ECD: variants seen among roughly 807,000 people sequenced by gnomAD.
ECD encodes the protein protein ecdysoneless homolog.
Under a neutral mutation model 77.2 loss-of-function variants are expected in ECD, and 59 were observed. The observed-to-expected ratio is 0.76, with a 90% CI of 0.62 to 0.95. ECD has a LOEUF of 0.95. Ranked by LOEUF, ECD falls within the 40% of genes least tolerant of loss-of-function variation. ECD has a pLI of 0.00. For missense variants in ECD, 704 were observed against 763.4 expected (o/e 0.92, Z 0.92); for synonymous variants, 233 against 267.4 (o/e 0.87, Z 1.26).
rs1044656324 is a variant in ECD, at chr10:73,156,427, A to T, written c.438T>A (p.Cys146Ter). The T allele has an allele frequency of 2.5e-6, 4 of 1,610,484 alleles. No individual in the cohort carries two copies. The highest frequency in any genetic ancestry group is 3.4e-6 in the Non-Finnish European group (4 of 1,178,940). The change falls in exon 5 of 14, where the codon TGT (cysteine) becomes TGA (stop). Residue 146 changes from cysteine to a stop codon, truncating the protein, a stop_gained. Transcript: ENST00000372979. LOFTEE classifies it high-confidence loss of function. ...NRVFFCHGELCIIPAPRKSGA... is the reference protein window; with the variant it reads ...NRVFFCHGEL ...CAGATTTTCTTGGTGCAGGGATAAT[A>T]CACAATTCCCCATGGCAGAAAAATA...
At chr10:73,141,219 G>A (rs1438316888) in intron 9 of ECD, among the ~76,000 whole-genome samples, 2 of 151,176 alleles carry the variant, frequency 1.3e-5, no homozygotes, top group East Asian at 2.0e-4. Context: ...GCGAGACTCC[G>A]TTGGCCGGGT....
intron 3 of ECD, among the ~76,000 whole-genome samples, chr10:73,159,510 A>G (rs1270157654): frequency 2.0e-5 from 3 of 152,126 alleles, no homozygotes; most frequent in African/African-American, 7.2e-5. Context: ...AGCAGTAGAA[A>G]CCTTTGTATC....
In ECD at chr10:73,145,895, G is replaced by A. The variant is rs569754086; in HGVS notation, c.1127+381C>T. On this transcript the variant is annotated intron_variant, in intron 9 of 13. Coordinates refer to ENST00000372979, the MANE Select transcript of ECD (RefSeq NM_007265.3). ...TTTGACCTCGTGATCCGCCTGCCTC[G>A]GCCTCCCAAAGTGCTGGGATTACAG... Among the ~76,000 whole-genome samples, 12 of 151,852 alleles carry A rather than the reference G, an allele frequency of 7.9e-5. No homozygotes were observed. In the East Asian group the frequency reaches 1.2e-3, roughly 15 times the overall value.
rs1024632147 is a variant in ECD, at chr10:73,150,682, AAAAC to A, written c.912+1607_912+1610del. Among the ~76,000 whole-genome samples the A allele has an allele frequency of 8.5e-5, 13 of 152,342 alleles. No homozygotes were observed. The East Asian group carries it at 1.7e-3, about 20-fold the overall frequency. On this transcript the variant is annotated intron_variant, in intron 7 of 13. Transcript: ENST00000372979. ...AGAACTTAAACAAATTTACAAGAAA[AAAAC>A]AAACAACCCCATCAACAAGTGGGCA...
chr10:73,150,728 A>G (rs1843191050), intron 7 of ECD, among the ~76,000 whole-genome samples: 1 of 152,234 alleles, frequency 6.6e-6, no homozygotes, highest in African/African-American at 2.4e-5. Flanking sequence ...ATGAACAGAC[A>G]CTTCTCAAAA....
chr10:73,137,016 A>C (rs561793351), intron 12 of ECD, 98 bp from the exon 13 acceptor site: 2 of 627,166 alleles, frequency 3.2e-6, no homozygotes, highest in South Asian at 1.4e-4. Flanking sequence ...AAATAATTAG[A>C]ATGTTACCCA....
intron 9 of ECD, among the ~76,000 whole-genome samples, chr10:73,143,913 C>T (rs188598947): frequency 2.7e-5 from 4 of 149,164 alleles, no homozygotes; most frequent in African/African-American, 1.0e-4. Flanking sequence ...CAGTGGTTCC[C>T]AACCAGGGAC....
chr10:73,153,999 G>T (rs972382756), intron 6 of ECD, among the ~76,000 whole-genome samples: 8 of 152,152 alleles, frequency 5.3e-5, no homozygotes, highest in Admixed American at 2.6e-4. Flanking sequence ...TGCTCAAGTA[G>T]TAAGTTTAAT....
chr10:73,143,191 C>T (rs560882325), intron 9 of ECD, among the ~76,000 whole-genome samples: 3 of 152,106 alleles, frequency 2.0e-5, no homozygotes, highest in Admixed American at 6.5e-5. Flanking sequence ...TGTTTTGAGA[C>T]GGAGTCTTGC....
At position 73,139,353 on chromosome 10, in the gene ECD, A is replaced by G. The variant is rs3736517; in HGVS notation, c.1377T>C (p.Ala459=). ...DLTEVSESMK[A]FISKVSTHKG... ...TGTGGGTTGAGACTTTGGATATGAA[A>G]GCTTTCATGCTCTCTGAGACTTCAG... Residue 459 remains alanine (A), a synonymous_variant, in exon 11 of 14, where the codon GCT becomes GCC. Coordinates refer to ENST00000372979, the MANE Select transcript of ECD (RefSeq NM_007265.3). The G allele has an allele frequency of 8.9e-3, 14,426 of 1,614,068 alleles. 943 individuals carry two copies. The East Asian group carries it at 0.18, about 20-fold the overall frequency.
intron 2 of ECD, among the ~76,000 whole-genome samples, chr10:73,160,972 T>C (rs1843368882): frequency 2.0e-5 from 3 of 152,214 alleles, no homozygotes; most frequent in African/African-American, 7.2e-5. Flanking sequence ...TTTTCAAACA[T>C]GTGCACTATT....
Position 73,145,708 on chromosome 10 carries a change from A to G in ECD, c.1127+568T>C, listed in dbSNP as rs117767525. Among the ~76,000 whole-genome samples the G allele has an allele frequency of 1.5e-3, 210 of 138,336 alleles. 7 individuals carry two copies. The East Asian group carries it at 0.043, about 29-fold the overall frequency. The allele number at this position is 138,336 out of a possible 152,430, so 90.8% of individuals were successfully genotyped here. ...GGAGTCTCGCTCTGTCCCCAGGTGC[A>G]ATCTCAGCTCACGGCAACCTCCGCC... On this transcript the variant is annotated intron_variant, in intron 9 of 13. Coordinates refer to ENST00000372979, the MANE Select transcript of ECD (RefSeq NM_007265.3).
chr10:73,152,470 T>A (rs1196658037), intron 6 of ECD, 49 bp from the exon 7 acceptor site: 1 of 1,587,158 alleles, frequency 6.3e-7, no homozygotes, highest in African/African-American at 1.3e-5. Context: ...AAATTAAGAT[T>A]GTGAATAACA....
intron 7 of ECD, among the ~76,000 whole-genome samples, chr10:73,150,969 G>A (rs1351421348): frequency 2.0e-5 from 3 of 152,054 alleles, no homozygotes; most frequent in Non-Finnish European, 2.9e-5. Context: ...TCAGTGTGGC[G>A]ATTCCTCAGG....
chr10:73,152,489 T>C (rs1589118158), intron 6 of ECD, 68 bp from the exon 7 acceptor site: 1 of 1,539,238 alleles, frequency 6.5e-7, no homozygotes, highest in East Asian at 2.3e-5. Context: ...CACTTCACAG[T>C]TAAATATAAT....
intron 3 of ECD, among the ~76,000 whole-genome samples, chr10:73,159,642 ATT>A (rs1169258127): frequency 1.1e-4 from 14 of 123,616 alleles, no homozygotes; most frequent in Non-Finnish European, 1.3e-4. Context: ...CAGTACTTTA[ATT>A]TTTTTTTTTT....
At chr10:73,148,878 C>T (rs765596742) in intron 7 of ECD, among the ~76,000 whole-genome samples, 23 of 152,246 alleles carry the variant, frequency 1.5e-4, no homozygotes, top group Admixed American at 1.3e-3. Context: ...GGGAGCTTCC[C>T]TGATCAAGCT....
At chr10:73,139,538 T>G (rs759459596) in intron 10 of ECD, 43 bp from the exon 11 acceptor site, 51 of 1,603,656 alleles carry the variant, frequency 3.2e-5, no homozygotes, top group Non-Finnish European at 4.0e-5. Context: ...TACATTCACA[T>G]AAGTCCTCTT....
rs1349806845 is a variant in ECD at position 73,133,755 on chromosome 10, TAAAC to T, written c.*824_*827del. The T allele has an allele frequency of 1.3e-5, 2 of 152,138 alleles. No individual in the cohort carries two copies. Among genetic ancestry groups the T allele is most frequent in the Non-Finnish European group, 2.9e-5 (2 of 68,022 alleles). The allele number at this position is 152,138 out of a possible 1,614,324, so 9.4% of individuals were successfully genotyped here. ...GGAATATGAGCATCATTTTAAGAAA[TAAAC>T]ATTTCATCTTAGCAAAAGATATATC... is the stretch of plus-strand genomic sequence containing the variant. On this transcript the variant is annotated 3_prime_UTR_variant, in exon 14 of 14. Transcript: ENST00000372979.
Sources: allele counts gnomAD v4.1 joint callset (sites outside exome capture counted in the v4.1 genomes callset), GRCh38; gene constraint gnomAD v4.1.1; transcripts MANE v1.5; gene names NCBI Gene and HGNC (gene_info 2026-07-23, HGNC 2026-07-21).